Variants in PARD3 observed in about 807,000 individuals in gnomAD.
The protein encoded by PARD3 is partitioning defective 3 homolog.
In PARD3, 75 loss-of-function variants were observed where a neutral mutation model predicts 155.4. That is an observed-to-expected ratio of 0.48 (90% CI 0.40 to 0.58). PARD3 has a LOEUF of 0.58. Among genes scored for constraint, PARD3 ranks in the 20% least tolerant of loss-of-function variants. The pLI is 0.00. For missense variants in PARD3, 1,642 were observed against 1,721.7 expected (o/e 0.95, Z 0.82); for synonymous variants, 576 against 610.5 (o/e 0.94, Z 0.83).
chr10:34,227,856 T>TTATATATACATATATATATATA (rs1554814036), intron 22 of PARD3, among the ~76,000 whole-genome samples: 2 of 82,278 alleles, frequency 2.4e-5, no homozygotes, highest in Non-Finnish European at 2.3e-5. Flanking sequence ...GAATTATTTT[T>TTATATATACATATATATATATA]TATATATATA....
chr10:34,741,559 T>C (rs1469985327), intron 1 of PARD3, among the ~76,000 whole-genome samples: 1 of 152,184 alleles, frequency 6.6e-6, no homozygotes, highest in Non-Finnish European at 1.5e-5. Context: ...GTGGGGTTTT[T>C]AGACACCAAT....
chr10:34,266,297 A>G (rs2256217), intron 22 of PARD3, among the ~76,000 whole-genome samples: 86,112 of 151,858 alleles, frequency 0.57, 25,465 homozygotes, highest in African/African-American at 0.75. Context: ...CTCTTTGACA[A>G]GAACAGACAA....
chr10:34,289,266 T>C (rs531204157), intron 20 of PARD3, among the ~76,000 whole-genome samples: 2 of 152,272 alleles, frequency 1.3e-5, no homozygotes, highest in Admixed American at 1.3e-4. Context: ...CTCAGCTCAC[T>C]GCAACCTCCG....
chr10:34,441,719 A>C (rs2076471883), intron 5 of PARD3, among the ~76,000 whole-genome samples: 1 of 152,228 alleles, frequency 6.6e-6, no homozygotes, highest in Admixed American at 6.5e-5. Flanking sequence ...GGATAATAAA[A>C]GCAGAAAATA....
intron 5 of PARD3, among the ~76,000 whole-genome samples, chr10:34,432,042 A>G (rs1303307433): frequency 2.3e-5 from 1 of 43,162 alleles, no homozygotes; most frequent in African/African-American, 1.5e-4. Context: ...ACTCTGTCTC[A>G]AAAAAAAAAA....
chr10:34,532,410 T>C (rs1003494873), intron 2 of PARD3, among the ~76,000 whole-genome samples: 2 of 152,198 alleles, frequency 1.3e-5, no homozygotes, highest in Non-Finnish European at 2.9e-5. Flanking sequence ...CTATTATTTC[T>C]GAGTAGACAA....
chr10:34,299,258 G>A (rs1957045745), intron 20 of PARD3, among the ~76,000 whole-genome samples: 4 of 152,220 alleles, frequency 2.6e-5, no homozygotes, highest in African/African-American at 9.6e-5. Context: ...GGCCAAGGCT[G>A]CTATTCCAGC....
intron 1 of PARD3, among the ~76,000 whole-genome samples, chr10:34,811,112 G>T (rs1844102988): frequency 6.6e-6 from 1 of 152,096 alleles, no homozygotes. Context: ...TGGTCACTCA[G>T]CAACCTTTAT....
chr10:34,660,712 A>C (rs1034769352), intron 2 of PARD3, among the ~76,000 whole-genome samples: 1 of 152,156 alleles, frequency 6.6e-6, no homozygotes, highest in Non-Finnish European at 1.5e-5. Flanking sequence ...TTCAGCAACC[A>C]CTAGGCATCC....
intron 22 of PARD3, among the ~76,000 whole-genome samples, chr10:34,176,947 T>TTGTGTGTGTGTGTGTGTGTG (rs55740137): frequency 2.7e-5 from 4 of 149,472 alleles, no homozygotes; most frequent in African/African-American, 7.4e-5. Flanking sequence ...GAGAAGCAGG[T>TTGTGTGTGTGTGTGTGTGTG]TGTGTGTGTG....
intron 2 of PARD3, among the ~76,000 whole-genome samples, chr10:34,668,958 A>C (rs2093555629): frequency 1.3e-5 from 2 of 152,152 alleles, no homozygotes; most frequent in Non-Finnish European, 2.9e-5. Flanking sequence ...GCTTATGAGC[A>C]TTGTTCTAGG....
chr10:34,719,380 T>C (rs2094569380), intron 1 of PARD3, among the ~76,000 whole-genome samples: 1 of 152,238 alleles, frequency 6.6e-6, no homozygotes, highest in African/African-American at 2.4e-5. Flanking sequence ...CATTTTCTTA[T>C]ATCCTCCCTC....
intron 24 of PARD3, among the ~76,000 whole-genome samples, chr10:34,115,200 G>C (rs1230898535): frequency 6.6e-6 from 1 of 152,138 alleles, no homozygotes. Flanking sequence ...TGGAGAGAAC[G>C]CGGGAGGGTG....
chr10:34,291,885 C>T (rs1417275426), intron 20 of PARD3, among the ~76,000 whole-genome samples: 1 of 152,178 alleles, frequency 6.6e-6, no homozygotes, highest in African/African-American at 2.4e-5. Context: ...CCCTCTCCAC[C>T]ATCAATCAAT....
chr10:34,640,178 C>T (rs1590357053), intron 2 of PARD3, among the ~76,000 whole-genome samples: 1 of 152,194 alleles, frequency 6.6e-6, no homozygotes, highest in Admixed American at 6.5e-5. Flanking sequence ...CCCACAGCAA[C>T]TGCACAGCAC....
intron 24 of PARD3, among the ~76,000 whole-genome samples, 198 bp downstream of exon 24, chr10:34,119,415 T>A (rs1318474268): frequency 6.6e-6 from 1 of 151,494 alleles, no homozygotes; most frequent in African/African-American, 2.4e-5. Context: ...TCTCCTGCAA[T>A]GGGCATTTCC....
intron 2 of PARD3, among the ~76,000 whole-genome samples, chr10:34,611,929 C>CT (rs2090929677): frequency 1.0e-5 from 1 of 99,842 alleles, no homozygotes; most frequent in Non-Finnish European, 2.2e-5. Flanking sequence ...CCTGCCTCAG[C>CT]GCCCCCCCTA....
At chr10:34,147,202 C>T (rs1948555322) in intron 22 of PARD3, among the ~76,000 whole-genome samples, 1 of 152,044 alleles carries the variant, frequency 6.6e-6, no homozygotes, top group Non-Finnish European at 1.5e-5. Context: ...CTGACAGACC[C>T]CCCACCTCAC....
intron 18 of PARD3, among the ~76,000 whole-genome samples, chr10:34,332,497 A>G (rs1216723634): frequency 1.3e-5 from 2 of 152,188 alleles, no homozygotes; most frequent in Non-Finnish European, 2.9e-5. Context: ...TCATGTTATT[A>G]CCCAGAAGAC....
Sources: allele counts gnomAD v4.1 joint callset (sites outside exome capture counted in the v4.1 genomes callset), GRCh38; gene constraint gnomAD v4.1.1; transcripts MANE v1.5; gene names NCBI Gene and HGNC (gene_info 2026-07-23, HGNC 2026-07-21).